Variants in GRAMD4 observed in about 807,000 individuals in gnomAD.
The protein encoded by GRAMD4 is GRAM domain containing 4.
In GRAMD4, 25 loss-of-function variants were observed where a neutral mutation model predicts 83.9. The observed-to-expected ratio is 0.30, with a 90% CI of 0.22 to 0.42. GRAMD4 has a LOEUF of 0.42. GRAMD4 is among the 10% of genes least tolerant of loss of function. The pLI, the probability that GRAMD4 is intolerant of heterozygous loss-of-function variation, is 1.00. For synonymous variants in GRAMD4, 336 were observed against 320.9 expected (o/e 1.05, Z -0.50); for missense variants, 593 against 788.7 (o/e 0.75, Z 2.97).
chr22:46,654,702 C>T (rs563353434), intron 3 of GRAMD4, among the ~76,000 whole-genome samples: 148 of 152,352 alleles, frequency 9.7e-4, no homozygotes, highest in Non-Finnish European at 1.4e-3. Context: ...AGACGCACTA[C>T]GTGAGAACTG....
chr22:46,596,343 G>A (rs377546444), intron 1 of GRAMD4, among the ~76,000 whole-genome samples: 7 of 152,330 alleles, frequency 4.6e-5, no homozygotes, highest in East Asian at 3.9e-4. Context: ...TGTCCCTGGC[G>A]GCCCTTTCTG....
At chr22:46,671,175 G>T in intron 13 of GRAMD4, 1 of 445,740 alleles carries the variant, frequency 2.2e-6, no homozygotes, top group South Asian at 1.6e-5. Context: ...CGTGGAGGAG[G>T]CCTGGGAGCT....
downstream of GRAMD4, chr22:46,682,482 C>T (rs991632809): frequency 6.4e-5 from 62 of 975,330 alleles, no homozygotes; most frequent in African/African-American, 7.0e-5. Context: ...AAGAAGCTCT[C>T]GAAGACCTGC....
chr22:46,651,099 A>G (rs974294449), intron 3 of GRAMD4, among the ~76,000 whole-genome samples: 1 of 152,120 alleles, frequency 6.6e-6, no homozygotes, highest in Non-Finnish European at 1.5e-5. Context: ...CTTCCTGACA[A>G]TGAGACGGCT....
chr22:46,668,275 C>A, intron 11 of GRAMD4, 108 bp downstream of exon 11: 1 of 719,446 alleles, frequency 1.4e-6, no homozygotes. Flanking sequence ...TCCGCTGCTG[C>A]CTGGGGAGGG....
chr22:46,668,968 C>T (rs977260515), intron 13 of GRAMD4, 60 bp downstream of exon 13: 4 of 924,518 alleles, frequency 4.3e-6, no homozygotes, highest in African/African-American at 1.6e-5. Flanking sequence ...GTCCGCATGC[C>T]ACCAGTGTCT....
rs150085583 is a variant in GRAMD4, at chr22:46,598,989, G to A, written c.-50+21699G>A. Among the ~76,000 whole-genome samples, 676 of 152,240 alleles carry A rather than the reference G, an allele frequency of 4.4e-3. 4 individuals are homozygous for A. Among genetic ancestry groups the A allele is most frequent in the African/African-American group, 0.015 (642 of 41,548 alleles). ...CTGTGAGCTCCTCTGGTGGCCTCCGGTGCCCACCAGCTCAGTGCCCTGCAG... is the reference window on the plus strand; with the variant it reads ...CTGTGAGCTCCTCTGGTGGCCTCCGATGCCCACCAGCTCAGTGCCCTGCAG... On this transcript the variant is annotated intron_variant, in intron 1 of 1. Coordinates refer to the GRAMD4 transcript ENST00000431155.
At chr22:46,666,899 T>G (rs1402681795) in intron 10 of GRAMD4, 26 bp downstream of exon 10, 2 of 1,509,210 alleles carry the variant, frequency 1.3e-6, no homozygotes, top group Non-Finnish European at 1.8e-6. Context: ...GTGCACGGTC[T>G]CCTCCGACTG....
intron 1 of GRAMD4, among the ~76,000 whole-genome samples, chr22:46,584,970 T>C (rs1426778457): frequency 6.6e-6 from 1 of 152,248 alleles, no homozygotes; most frequent in Non-Finnish European, 1.5e-5. Flanking sequence ...TCTCTGCCTC[T>C]GAACTTGCCA....
chr22:46,677,344 T>G lies in GRAMD4; in HGVS notation c.*93T>G, dbSNP rs1456146724. The G allele has an allele frequency of 6.8e-7, 1 of 1,474,204 alleles. No individual in the cohort carries two copies. Among genetic ancestry groups the G allele is most frequent in the South Asian group, 1.4e-5 (1 of 73,236 alleles). The allele number at this position is 1,474,204 out of a possible 1,614,324, so 91.3% of individuals were successfully genotyped here. A position where few individuals can be genotyped will look rare whatever the true frequency, so the allele number is the denominator to read the frequency against. On this transcript the variant is annotated 3_prime_UTR_variant, in exon 19 of 19. Transcript: ENST00000406902. ...ATTTGGTAGTGGAAACAATTGGACA[T>G]CCTCATGAGCTTTTGCAATAATTCT...
intron 1 of GRAMD4, among the ~76,000 whole-genome samples, chr22:46,623,589 A>G (rs1353527386): frequency 6.6e-6 from 1 of 151,452 alleles, no homozygotes; most frequent in East Asian, 2.0e-4. Context: ...GTAGAGATGC[A>G]GTTTCACCGT....
At chr22:46,603,280 T>C (rs948605448) in intron 1 of GRAMD4, among the ~76,000 whole-genome samples, 1 of 142,772 alleles carries the variant, frequency 7.0e-6, no homozygotes, top group African/African-American at 2.7e-5. Flanking sequence ...TGACCTCGGC[T>C]CACTGCAAGC....
At chr22:46,615,596 CGTGTGT>C (rs2081473105), upstream of GRAMD4, among the ~76,000 whole-genome samples, 1 of 93,536 alleles carries the variant, frequency 1.1e-5, no homozygotes, top group Non-Finnish European at 2.1e-5. Flanking sequence ...TAGGTTCCCC[CGTGTGT>C]AGGTTCCCCG....
At chr22:46,644,572 A>G (rs1601622999) in intron 3 of GRAMD4, among the ~76,000 whole-genome samples, 1 of 151,762 alleles carries the variant, frequency 6.6e-6, no homozygotes, top group Admixed American at 6.6e-5. Flanking sequence ...GTTCCGTGTT[A>G]CACCTCTCCC....
At chr22:46,591,539 A>G (rs971187769) in intron 1 of GRAMD4, among the ~76,000 whole-genome samples, 8 of 151,980 alleles carry the variant, frequency 5.3e-5, no homozygotes, top group African/African-American at 1.9e-4. Flanking sequence ...CATCCCTCAT[A>G]AAGGCCACCC....
chr22:46,628,757 A>G (rs2081717136), intron 2 of GRAMD4, among the ~76,000 whole-genome samples: 1 of 152,050 alleles, frequency 6.6e-6, no homozygotes, highest in African/African-American at 2.4e-5. Context: ...CTGGGGCAGA[A>G]CATCTGGATT....
chr22:46,665,208 C>T (rs1431337349), intron 8 of GRAMD4, among the ~76,000 whole-genome samples: 1 of 152,236 alleles, frequency 6.6e-6, no homozygotes, highest in Non-Finnish European at 1.5e-5. Context: ...GTGCTGGGCA[C>T]AGATGGTGCC....
At chr22:46,605,736 TGCTGAGCATCTCTGCATGGGCCTATGGCC>T (rs1468055105) in intron 1 of GRAMD4, among the ~76,000 whole-genome samples, 7 of 151,592 alleles carry the variant, frequency 4.6e-5, no homozygotes, top group Admixed American at 6.6e-5. Flanking sequence ...CTATGGCCGG[TGCTGAGCATCTCTGCATGGGCCTATGGCC>T]GGTGCTGAGC....
chr22:46,624,811 G>A (rs1404577029), intron 1 of GRAMD4, among the ~76,000 whole-genome samples: 2 of 151,620 alleles, frequency 1.3e-5, no homozygotes, highest in Non-Finnish European at 2.9e-5. Flanking sequence ...GCTTCCAGGG[G>A]ATGCTGGGCA....
Sources: gnomAD v4.1 joint callset for allele counts (sites outside exome capture counted in the v4.1 genomes callset) on GRCh38, gnomAD v4.1.1 for gene constraint, MANE v1.5 for transcripts, NCBI Gene and HGNC (gene_info 2026-07-23, HGNC 2026-07-21) for gene names.